The following ANO3 variants were observed in gnomAD, a reference collection of about 807,000 sequenced individuals.
ANO3 encodes the protein anoctamin 3, also known as anoctamin-3.
A neutral mutation model predicts 144.8 loss-of-function variants in ANO3; 99 were observed. That is an observed-to-expected ratio of 0.68 (90% CI 0.58 to 0.81). The LOEUF (loss-of-function observed/expected upper bound fraction) is 0.81, where lower values mean the gene tolerates loss of function less well. Ranked by LOEUF, ANO3 falls within the 30% of genes least tolerant of loss-of-function variation. The pLI is 0.00. For synonymous variants in ANO3, 414 were observed against 392.6 expected (o/e 1.05, Z -0.64); for missense variants, 905 against 1,202.2 (o/e 0.75, Z 3.66).
intron 4 of ANO3, among the ~76,000 whole-genome samples, chr11:26,494,953 A>G (rs1382693348): frequency 6.6e-6 from 1 of 152,194 alleles, no homozygotes; most frequent in Non-Finnish European, 1.5e-5. Context: ...CTGTCCTTCA[A>G]CACTACCAGA....
intron 3 of ANO3, among the ~76,000 whole-genome samples, chr11:26,444,056 C>T (rs1349069541): frequency 1.3e-5 from 2 of 152,016 alleles, no homozygotes; most frequent in African/African-American, 2.4e-5. Context: ...CTCATAATAA[C>T]AAATAACAAT....
At chr11:26,529,019 T>C (rs1849235470) in intron 7 of ANO3, among the ~76,000 whole-genome samples, 1 of 140,788 alleles carries the variant, frequency 7.1e-6, no homozygotes, top group East Asian at 2.0e-4. Flanking sequence ...AAAGGAAAAA[T>C]CCAGACTTTC....
At chr11:26,460,158 G>A in intron 3 of ANO3, 2 of 436,532 alleles carry the variant, frequency 4.6e-6, no homozygotes, top group South Asian at 1.7e-5. Flanking sequence ...AAAACTATCT[G>A]CATACTCTAA....
At chr11:26,563,380 GGT>G in intron 14 of ANO3, 2 of 1,024,682 alleles carry the variant, frequency 2.0e-6, no homozygotes, top group Middle Eastern at 3.1e-4. Context: ...ATTAGATAAT[GGT>G]GTGTTTCTCT....
intron 14 of ANO3, among the ~76,000 whole-genome samples, chr11:26,567,522 A>G (rs556728123): frequency 6.6e-6 from 1 of 152,010 alleles, no homozygotes; most frequent in Non-Finnish European, 1.5e-5. Context: ...CCTCTCTTAC[A>G]TAATAATTTC....
In ANO3 at chr11:26,442,260, T is replaced by C. The variant is rs1858547277; in HGVS notation, c.241+148T>C. 4 of 740,478 alleles carry C rather than the reference T, an allele frequency of 5.4e-6. No individual in the cohort carries two copies. The Admixed American group carries it at 1.2e-4, about 22-fold the overall frequency. 45.9% of individuals were successfully genotyped at this position (740,478 alleles called of 1,614,324 possible). A position where few individuals can be genotyped will look rare whatever the true frequency, so the allele number is the denominator to read the frequency against. On this transcript the variant is annotated intron_variant, in intron 2 of 26. Coordinates refer to ENST00000256737, the MANE Select transcript of ANO3 (RefSeq NM_031418.4). The stretch of plus-strand genomic sequence containing the variant: ...GAAAGGAGACCAGTACACCATGCCA[T>C]TTGTTGGCCAGATGTGTTTTATCTC...
At chr11:26,641,691 A>G (rs944970519) in intron 21 of ANO3, among the ~76,000 whole-genome samples, 2 of 152,310 alleles carry the variant, frequency 1.3e-5, no homozygotes, top group Admixed American at 1.3e-4. Flanking sequence ...AAGTTTTTCA[A>G]AAGATTTAAA....
At position 26,195,412 on chromosome 11, in the gene ANO3, C is replaced by T. The variant is rs186984546; in HGVS notation, c.154+6082C>T. Among the ~76,000 whole-genome samples, 578 of 152,104 alleles carry T rather than the reference C, an allele frequency of 3.8e-3. 10 individuals are homozygous for T. Among genetic ancestry groups the T allele is most frequent in the Middle Eastern group, 6.8e-3 (2 of 292 alleles). On this transcript the variant is annotated intron_variant, in intron 1 of 27. Transcript: ENST00000672621. The stretch of plus-strand genomic sequence containing the variant: ...AAATTTCTCTATTTTGTTCCCAGTC[C>T]GGACAAAAAGGAGCCAGAAAAAAAG...
intron 14 of ANO3, among the ~76,000 whole-genome samples, chr11:26,590,776 G>T (rs1851423902): frequency 6.6e-6 from 1 of 152,222 alleles, no homozygotes; most frequent in African/African-American, 2.4e-5. Context: ...CACCCTGCTG[G>T]ATCCGGAGGG....
rs753829267 is a variant in ANO3 at position 26,559,706 on chromosome 11, G to A, written c.1387-13G>A. The A allele has an allele frequency of 2.7e-5, 43 of 1,603,902 alleles. No homozygotes were observed. The highest frequency in any genetic ancestry group is 3.0e-5 in the Non-Finnish European group (35 of 1,171,242). On this transcript the variant is annotated splice_polypyrimidine_tract_variant and intron_variant, in intron 13 of 26. Transcript: ENST00000256737. ...ATTTGCATGACTAATATTTCTGTTTGTTTTCTACTCAGGTGACATATTTGT... is the reference window on the plus strand; with the variant it reads ...ATTTGCATGACTAATATTTCTGTTTATTTTCTACTCAGGTGACATATTTGT...
chr11:26,635,425 A>G (rs1310288101), intron 20 of ANO3, among the ~76,000 whole-genome samples: 6 of 152,128 alleles, frequency 3.9e-5, no homozygotes, highest in Non-Finnish European at 7.3e-5. Flanking sequence ...AAGACATCAT[A>G]CTGGAAACAC....
At chr11:26,471,489 T>C (rs1859781388) in intron 4 of ANO3, among the ~76,000 whole-genome samples, 1 of 151,942 alleles carries the variant, frequency 6.6e-6, no homozygotes, top group Non-Finnish European at 1.5e-5. Flanking sequence ...GATCAAATAA[T>C]AATAAGTAGA....
intron 23 of ANO3, among the ~76,000 whole-genome samples, 175 bp from the exon 24 acceptor site, chr11:26,647,534 G>T (rs1853386651): frequency 6.6e-6 from 1 of 152,164 alleles, no homozygotes; most frequent in South Asian, 2.1e-4. Flanking sequence ...TCTCTTTGTG[G>T]AAAAAGTGTA....
intron 1 of ANO3, among the ~76,000 whole-genome samples, chr11:26,369,837 T>C (rs925504371): frequency 3.9e-5 from 6 of 152,200 alleles, no homozygotes; most frequent in African/African-American, 1.2e-4. Context: ...TGAATCATCA[T>C]GTGGGAGTTA....
intron 6 of ANO3, among the ~76,000 whole-genome samples, chr11:26,523,860 A>G (rs1243625668): frequency 6.6e-6 from 1 of 152,200 alleles, no homozygotes; most frequent in Non-Finnish European, 1.5e-5. Flanking sequence ...AACCCTCTCC[A>G]TATTATTTTA....
rs374689324 is a variant in ANO3, at chr11:26,463,153, T to C, written c.432+5T>C. 4 of 1,415,908 alleles carry C rather than the reference T, an allele frequency of 2.8e-6. No individual in the cohort carries two copies. The African/African-American group carries it at 5.7e-5, about 20-fold the overall frequency. The allele number at this position is 1,415,908 out of a possible 1,614,324, so 87.7% of individuals were successfully genotyped here. ...TTCAAGACAAAATTATCTAAGGTAA[T>C]GAGAACTAAATTATCAATAAGTCAT... On this transcript the variant is annotated splice_donor_5th_base_variant and intron_variant, in intron 4 of 26. Coordinates refer to ENST00000256737, the MANE Select transcript of ANO3 (RefSeq NM_031418.4).
intron 4 of ANO3, among the ~76,000 whole-genome samples, chr11:26,499,702 A>G (rs1861112417): frequency 6.6e-6 from 1 of 151,854 alleles, no homozygotes. Flanking sequence ...TTTAAGAAAT[A>G]TTTATGAACT....
At chr11:26,599,081 G>T in intron 16 of ANO3, 83 bp downstream of exon 16, 2 of 1,404,536 alleles carry the variant, frequency 1.4e-6, no homozygotes, top group South Asian at 1.2e-5. Context: ...ATTTTGTGAC[G>T]TTGAGAATGT....
intron 1 of ANO3, among the ~76,000 whole-genome samples, chr11:26,231,637 C>T (rs1392764711): frequency 6.6e-6 from 1 of 152,128 alleles, no homozygotes; most frequent in Non-Finnish European, 1.5e-5. Flanking sequence ...GATTCAAATT[C>T]TTTCTATCAT....
Sources: gnomAD v4.1 joint callset for allele counts (sites outside exome capture counted in the v4.1 genomes callset) on GRCh38, gnomAD v4.1.1 for gene constraint, MANE v1.5 for transcripts, NCBI Gene and HGNC (gene_info 2026-07-23, HGNC 2026-07-21) for gene names.